Variants in CYP20A1 observed in about 807,000 individuals in gnomAD.
CYP20A1 encodes the protein cytochrome P450 family 20 subfamily A member 1, also known as cytochrome P450 20A1.
A neutral mutation model predicts 61.4 loss-of-function variants in CYP20A1; 61 were observed. That is an observed-to-expected ratio of 0.99 (90% CI 0.81 to 1.23). CYP20A1 has a LOEUF of 1.23. Ranked by LOEUF, CYP20A1 falls within the 50% of genes most tolerant of loss-of-function variation. CYP20A1 has a pLI of 0.00. For missense variants in CYP20A1, 530 were observed against 542.4 expected, an observed-to-expected ratio of 0.98 and a Z score of 0.23; for synonymous variants, 193 against 188.2, an observed-to-expected ratio of 1.03 and a Z score of -0.21.
intron 4 of CYP20A1, among the ~76,000 whole-genome samples, chr2:203,258,003 G>GTGCAGTGGCACAATTACA: frequency 6.6e-6 from 1 of 151,450 alleles, no homozygotes; most frequent in Non-Finnish European, 1.5e-5. Flanking sequence ...CTGGGCTGAA[G>GTGCAGTGGCACAATTACA]GGATCCTCCT....
In CYP20A1 at chr2:203,266,656, T is replaced by C. The variant is rs762998215; in HGVS notation, c.575T>C (p.Ile192Thr). 2.5e-6 allele frequency: 4 copies of C among 1,613,956 alleles called. No homozygotes were observed. The highest frequency in any genetic ancestry group is 2.5e-6 in the Non-Finnish European group (3 of 1,179,898). Residue 192 changes from isoleucine to threonine, a missense_variant, in exon 5 of 13, where the codon ATT becomes ACT. Physicochemically the swap from Ile to Thr is moderately conservative, Grantham distance 89 (BLOSUM62 -1). Transcript: ENST00000356079. ...GSTFEDDQEVIRFQKNHGTVW... is the reference protein window; with the variant it reads ...GSTFEDDQEVTRFQKNHGTVW... ...ACATTTGAAGATGATCAGGAAGTCA[T>C]TCGCTTCCAGAAGAATCATGGCACA...
chr2:203,283,362 G>A (rs550379225), intron 8 of CYP20A1, among the ~76,000 whole-genome samples: 95 of 149,994 alleles, frequency 6.3e-4, no homozygotes, highest in Non-Finnish European at 9.2e-4. Flanking sequence ...GACTACAGGC[G>A]CCCACTACCA....
At chr2:203,263,565 G>A (rs1053324545) in intron 4 of CYP20A1, among the ~76,000 whole-genome samples, 2 of 152,154 alleles carry the variant, frequency 1.3e-5, no homozygotes, top group Admixed American at 6.5e-5. Context: ...TGGAATTACC[G>A]GCGTGAGCCA....
chr2:203,280,870 T>G (rs2068016662), intron 8 of CYP20A1, among the ~76,000 whole-genome samples: 2 of 152,200 alleles, frequency 1.3e-5, no homozygotes, highest in South Asian at 4.1e-4. Flanking sequence ...TTTTATGGAT[T>G]GTGAATTCTT....
At chr2:203,251,372 T>C (rs1377360983) in intron 3 of CYP20A1, among the ~76,000 whole-genome samples, 2 of 151,886 alleles carry the variant, frequency 1.3e-5, no homozygotes, top group East Asian at 1.9e-4. Flanking sequence ...ATTATAGTTA[T>C]GTAGGTAGAA....
At chr2:203,291,001 T>A (rs985446328) in intron 10 of CYP20A1, among the ~76,000 whole-genome samples, 19 of 152,298 alleles carry the variant, frequency 1.2e-4, no homozygotes, top group Non-Finnish European at 1.8e-4. Flanking sequence ...TTATTTTTTT[T>A]AATTATATAC....
intron 5 of CYP20A1, 45 bp from the exon 6 acceptor site, chr2:203,272,625 A>C (rs2067649700): frequency 1.6e-6 from 2 of 1,272,648 alleles, no homozygotes; most frequent in African/African-American, 3.1e-5. Flanking sequence ...TATTTTTAAA[A>C]TTCTACCTAT....
At chr2:203,243,341 A>G (rs2066324341) in intron 1 of CYP20A1, among the ~76,000 whole-genome samples, 1 of 151,208 alleles carries the variant, frequency 6.6e-6, no homozygotes, top group African/African-American at 2.4e-5. Flanking sequence ...ACAGGGTTTC[A>G]CTGTGTTGGC....
intron 8 of CYP20A1, among the ~76,000 whole-genome samples, chr2:203,283,714 A>T (rs1372103414): frequency 1.3e-5 from 2 of 150,544 alleles, no homozygotes; most frequent in East Asian, 3.9e-4. Flanking sequence ...ATGCCCAGCT[A>T]ATTTTTGTAT....
rs748375117 is a variant in CYP20A1 at position 203,270,622 on chromosome 2, A to G, written c.601-2048A>G. On this transcript the variant is annotated intron_variant, in intron 5 of 12. Coordinates refer to ENST00000356079, the MANE Select transcript of CYP20A1 (RefSeq NM_177538.3). ...CAGTATCACAAATGTTACTGTTTTTATGTAGCTAAATCAATTTAACTCTTT... is the reference window on the plus strand; with the variant it reads ...CAGTATCACAAATGTTACTGTTTTTGTGTAGCTAAATCAATTTAACTCTTT... Among the ~76,000 whole-genome samples, 6 of 151,602 alleles carry G rather than the reference A, an allele frequency of 4.0e-5. No homozygotes were observed. The South Asian group carries it at 6.2e-4, about 16-fold the overall frequency.
chr2:203,271,944 C>T (rs1283122825), intron 5 of CYP20A1, among the ~76,000 whole-genome samples: 2 of 152,046 alleles, frequency 1.3e-5, no homozygotes, highest in East Asian at 1.9e-4. Context: ...GGAGAATTGC[C>T]TGAACTCGGG....
At chr2:203,263,782 G>T (rs928059114) in intron 4 of CYP20A1, among the ~76,000 whole-genome samples, 3 of 152,102 alleles carry the variant, frequency 2.0e-5, no homozygotes, top group Admixed American at 6.5e-5. Flanking sequence ...GAGAACCAAT[G>T]ATTTCAATCC....
In CYP20A1 at chr2:203,303,125, T is replaced by G. The variant is rs537125159; in HGVS notation, c.*6217T>G. Among the ~76,000 whole-genome samples the G allele has an allele frequency of 1.3e-5, 2 of 152,032 alleles. No homozygotes were observed. Among genetic ancestry groups the G allele is most frequent in the South Asian group, 2.1e-4 (1 of 4,814 alleles). On this transcript the variant is annotated 3_prime_UTR_variant, in exon 13 of 13. Coordinates refer to ENST00000356079, the MANE Select transcript of CYP20A1 (RefSeq NM_177538.3). ...AAGCAATTCTCCTGCCTCAGCCTCC[T>G]GAGTAGCTGAGACTACGGGTATGTG...
chr2:203,286,563 G>C (rs1575258993), intron 9 of CYP20A1, among the ~76,000 whole-genome samples: 1 of 152,306 alleles, frequency 6.6e-6, no homozygotes, highest in Non-Finnish European at 1.5e-5. Context: ...ATGAATCTTA[G>C]TGATTTAAGG....
chr2:203,252,344 AC>A (rs931359430), intron 4 of CYP20A1, among the ~76,000 whole-genome samples: 14 of 150,112 alleles, frequency 9.3e-5, no homozygotes, highest in African/African-American at 3.4e-4. Context: ...AGTAGAGAGC[AC>A]CTGAAGAAGT....
intron 6 of CYP20A1, among the ~76,000 whole-genome samples, chr2:203,273,091 T>C (rs777896342): frequency 2.1e-4 from 32 of 152,164 alleles, no homozygotes; most frequent in Non-Finnish European, 4.6e-4. Context: ...GTGATCTGCC[T>C]GCCTCGGCCT....
intron 3 of CYP20A1, among the ~76,000 whole-genome samples, chr2:203,248,950 A>G (rs2066561476): frequency 6.6e-6 from 1 of 152,120 alleles, no homozygotes; most frequent in Non-Finnish European, 1.5e-5. Context: ...GACTCAAGCG[A>G]TTCTCCCACC....
chr2:203,298,736 C>G lies in CYP20A1; in HGVS notation c.*1828C>G, dbSNP rs2068909494. 6.7e-6 allele frequency among the ~76,000 whole-genome samples: 1 copy of G among 148,970 alleles called. No individual in the cohort carries two copies. The highest frequency in any genetic ancestry group is 6.8e-5 in the Admixed American group (1 of 14,742). On this transcript the variant is annotated 3_prime_UTR_variant, in exon 13 of 13. Transcript: ENST00000356079. ...AAAAAGGAGGTGGGGAGAGCTATTT[C>G]AAGAATATTTTAAGTAGGCTGGGCA...
chr2:203,291,006 A>G (rs775685118), intron 10 of CYP20A1, among the ~76,000 whole-genome samples: 46 of 152,048 alleles, frequency 3.0e-4, no homozygotes, highest in Non-Finnish European at 5.4e-4. Flanking sequence ...TTTTTTAATT[A>G]TATACTGGTA....
Sources: gnomAD v4.1 joint callset for allele counts (sites outside exome capture counted in the v4.1 genomes callset) on GRCh38, gnomAD v4.1.1 for gene constraint, MANE v1.5 for transcripts, NCBI Gene and HGNC (gene_info 2026-07-23, HGNC 2026-07-21) for gene names.